The following CCDC122 variants were observed in gnomAD, a reference collection of about 807,000 sequenced individuals.
CCDC122 encodes the protein coiled-coil domain containing 122.
Under a neutral mutation model 37.0 loss-of-function variants are expected in CCDC122, and 38 were observed. That is an observed-to-expected ratio of 1.03 (90% CI 0.79 to 1.35). The LOEUF (loss-of-function observed/expected upper bound fraction) is 1.35. Among genes scored for constraint, CCDC122 ranks in the 40% most tolerant of loss-of-function variants. The probability of loss-of-function intolerance (pLI) is 0.00; values close to 1 mark genes in which losing one functional copy is unlikely to be tolerated. For synonymous variants in CCDC122, 83 were observed against 95.6 expected (o/e 0.87, Z 0.77); for missense variants, 305 against 310.0 (o/e 0.98, Z 0.12).
chr13:43,858,184 T>C (rs1953986643), intron 6 of CCDC122: 1 of 152,210 alleles, frequency 6.6e-6, no homozygotes, highest in African/African-American at 2.4e-5. Context: ...TCCAAATTAA[T>C]GTATTCAGGC....
At chr13:43,858,661 A>G (rs1257989290) in intron 6 of CCDC122, 120 bp downstream of exon 6, 3 of 663,232 alleles carry the variant, frequency 4.5e-6, no homozygotes. Context: ...TAAATTTTAT[A>G]GTTCTTTCTT....
intron 4 of CCDC122, among the ~76,000 whole-genome samples, chr13:43,863,002 TCTC>T (rs1348262689): frequency 6.6e-6 from 1 of 151,992 alleles, no homozygotes; most frequent in East Asian, 1.9e-4. Flanking sequence ...CCTTCTTCTC[TCTC>T]CTTTTTAAAC....
chr13:43,842,199 G>C (rs61209988), intron 6 of CCDC122, among the ~76,000 whole-genome samples: 30,172 of 152,064 alleles, frequency 0.2, 3,063 homozygotes, highest in African/African-American at 0.24. Context: ...TTAGATCTAT[G>C]ATCCATTTCA....
At position 43,830,962 on chromosome 13, in the gene CCDC122, G is replaced by A. The variant is rs147781930; in HGVS notation, n.602-6951C>T. 4.5e-3 allele frequency among the ~76,000 whole-genome samples: 689 copies of A among 152,270 alleles called. 5 individuals carry two copies. The highest frequency in any genetic ancestry group is 5.7e-3 in the Non-Finnish European group (386 of 68,026). ...CTGATTATTAGGAAACTGTGCATGA[G>A]TAAATTACAGTGACAGATTAATTGA... On this transcript the variant is annotated intron_variant and non_coding_transcript_variant, in intron 3 of 3. Transcript: ENST00000470137.
chr13:43,837,319 A>C lies in CCDC122; in HGVS notation c.783T>G (p.Thr261=). ...CAATGCATTTTCTTAATTCGGCTGC[A>C]GTTTTTTCCAATTGTTGAATGTTCC... is the stretch of plus-strand genomic sequence containing the variant. ...WQWNIQQLEK[T]AAELRKCIGM... is the part of the protein sequence containing the mutation. Residue 261 remains threonine (T), a synonymous_variant, in exon 7 of 7, where the codon ACT becomes ACG. Transcript: ENST00000444614. 1 of 1,614,002 alleles carries C rather than the reference A, an allele frequency of 6.2e-7. No homozygotes were observed. Among genetic ancestry groups the C allele is most frequent in the Non-Finnish European group, 8.5e-7 (1 of 1,179,976 alleles).
intron 6 of CCDC122, among the ~76,000 whole-genome samples, chr13:43,857,096 T>G (rs1953939647): frequency 6.6e-6 from 1 of 152,236 alleles, no homozygotes; most frequent in African/African-American, 2.4e-5. Flanking sequence ...ACATGGAACT[T>G]TGCTGTGGTT....
At chr13:43,832,648 G>T (rs1199431699), downstream of CCDC122, among the ~76,000 whole-genome samples, 1 of 151,926 alleles carries the variant, frequency 6.6e-6, no homozygotes, top group East Asian at 1.9e-4. Flanking sequence ...TGTATGCCTT[G>T]CAATATATCA....
At chr13:43,825,570 G>A (rs996651975) in intron 3 of CCDC122, among the ~76,000 whole-genome samples, 4 of 152,154 alleles carry the variant, frequency 2.6e-5, no homozygotes, top group African/African-American at 4.8e-5. Context: ...AGGAGTTCGA[G>A]ACCAGCCTGG....
chr13:43,877,867 A>C (rs974983166), intron 1 of CCDC122: 1 of 152,240 alleles, frequency 6.6e-6, no homozygotes, highest in Non-Finnish European at 1.5e-5. Flanking sequence ...ATTCTGATTC[A>C]ATGTATATTT....
At position 43,837,224 on chromosome 13, in the gene CCDC122, T is replaced by A; in HGVS notation, c.*56A>T. On this transcript the variant is annotated 3_prime_UTR_variant, in exon 7 of 7. Transcript: ENST00000444614. The stretch of plus-strand genomic sequence containing the variant: ...AGAATCCAAAAGATTTTCTTAATGT[T>A]CTGTCCAGTAATTTTTGTTGTCATG... 6.6e-7 allele frequency: 1 copy of A among 1,521,702 alleles called. No individual in the cohort carries two copies. The highest frequency in any genetic ancestry group is 1.2e-5 in the South Asian group (1 of 80,020). The allele number at this position is 1,521,702 out of a possible 1,614,324, so 94.3% of individuals were successfully genotyped here. A position where few individuals can be genotyped will look rare whatever the true frequency, so the allele number is the denominator to read the frequency against.
chr13:43,873,253 C>T (rs1489292928), intron 2 of CCDC122, among the ~76,000 whole-genome samples: 1 of 152,046 alleles, frequency 6.6e-6, no homozygotes, highest in Non-Finnish European at 1.5e-5. Flanking sequence ...TATATCTCTA[C>T]CCTGAACATC....
In CCDC122 at chr13:43,862,426, A is replaced by C. The variant is rs560027657; in HGVS notation, c.157-2356T>G. 2.0e-5 allele frequency among the ~76,000 whole-genome samples: 3 copies of C among 152,210 alleles called. No homozygotes were observed. The South Asian group carries it at 6.2e-4, about 32-fold the overall frequency. ...TTATGTCTCAGAAGAGTCTTCCCTA[A>C]ATCAAAATATAAATGAACCAACCAC... On this transcript the variant is annotated intron_variant, in intron 4 of 6. Transcript: ENST00000444614.
intron 6 of CCDC122, 41 bp from the exon 7 acceptor site, chr13:43,837,470 A>T: frequency 6.4e-7 from 1 of 1,560,124 alleles, no homozygotes; most frequent in Non-Finnish European, 8.7e-7. Context: ...CTTGTGAAGT[A>T]TAAATAGTAA....
chr13:43,835,958 C>A (rs959559259), downstream of CCDC122, among the ~76,000 whole-genome samples: 7 of 152,130 alleles, frequency 4.6e-5, no homozygotes, highest in Non-Finnish European at 8.8e-5. Flanking sequence ...GTGTAAGCCA[C>A]ATTAAGCCAT....
chr13:43,857,422 T>C (rs1356170083), intron 6 of CCDC122, among the ~76,000 whole-genome samples: 3 of 150,562 alleles, frequency 2.0e-5, no homozygotes, highest in East Asian at 2.0e-4. Context: ...TTTAAGTTTT[T>C]ATCCTATGTT....
rs1594813666 is a variant in CCDC122, at chr13:43,836,706, C to T, written c.*574G>A. 1 of 151,140 alleles carries T rather than the reference C, an allele frequency of 6.6e-6. No individual in the cohort carries two copies. The highest frequency in any genetic ancestry group is 6.6e-5 in the Admixed American group (1 of 15,194). The allele number at this position is 151,140 out of a possible 1,614,324, so 9.4% of individuals were successfully genotyped here. ...TCTACTAAAAATACAAAAAATTAGC[C>T]GGGCGCGGTGGCGGGCGCCTGTGGT... On this transcript the variant is annotated 3_prime_UTR_variant, in exon 7 of 7. Coordinates refer to ENST00000444614, the MANE Select transcript of CCDC122 (RefSeq NM_144974.5).
At chr13:43,868,935 A>G in intron 3 of CCDC122, 132 bp from the exon 4 acceptor site, 1 of 540,696 alleles carries the variant, frequency 1.8e-6, no homozygotes, top group Non-Finnish European at 3.0e-6. Flanking sequence ...TAGAATTAGT[A>G]ATTTTCCCTT....
intron 6 of CCDC122, chr13:43,848,807 G>T: frequency 1.2e-6 from 1 of 834,606 alleles, no homozygotes; most frequent in Non-Finnish European, 1.4e-6. Flanking sequence ...AAAATAATTA[G>T]AACAAAATAA....
intron 6 of CCDC122, among the ~76,000 whole-genome samples, chr13:43,841,899 A>T (rs569364911): frequency 2.8e-4 from 43 of 151,966 alleles, no homozygotes; most frequent in Non-Finnish European, 5.3e-4. Flanking sequence ...TACAGACAAG[A>T]TCTTACTGTA....
Sources: allele counts gnomAD v4.1 joint callset (sites outside exome capture counted in the v4.1 genomes callset), GRCh38; gene constraint gnomAD v4.1.1; transcripts MANE v1.5; gene names NCBI Gene and HGNC (gene_info 2026-07-23, HGNC 2026-07-21).